The following RUBCNL variants were observed in gnomAD, a reference collection of about 807,000 sequenced individuals.
The protein encoded by RUBCNL is rubicon like autophagy enhancer, also known as protein associated with UVRAG as autophagy enhancer.
RUBCNL carries 62 observed loss-of-function variants against 69.5 expected under a neutral mutation model. The ratio of observed to expected loss-of-function variants is 0.89; its 90% CI spans 0.73 to 1.10. The LOEUF is 1.10. RUBCNL is among the 50% of genes least tolerant of loss of function. The pLI is 0.00. For missense variants in RUBCNL, 768 were observed against 798.1 expected (o/e 0.96, Z 0.45); for synonymous variants, 291 against 303.6 (o/e 0.96, Z 0.43).
chr13:46,356,566 A>G, intron 9 of RUBCNL, 70 bp from the exon 10 acceptor site: 1 of 1,329,968 alleles, frequency 7.5e-7, no homozygotes. Flanking sequence ...TAATTAGAAA[A>G]GAAATTGCCA....
intron 1 of RUBCNL, among the ~76,000 whole-genome samples, chr13:46,383,245 G>C (rs1432627410): frequency 6.6e-6 from 1 of 152,124 alleles, no homozygotes; most frequent in Non-Finnish European, 1.5e-5. Flanking sequence ...TTGCCTATCT[G>C]ACCTCCTTAT....
rs1004268506 is a variant in RUBCNL, at chr13:46,339,771, A to G, written c.*3614T>C. 3.9e-5 allele frequency among the ~76,000 whole-genome samples: 6 copies of G among 152,118 alleles called. No individual in the cohort carries two copies. In the East Asian group the frequency reaches 5.8e-4, roughly 15 times the overall value. ...CTACTCGGGAGGGTGAGACAGGAAA[A>G]TCACTTGAACCCAGGTGGCGGAGGT... On this transcript the variant is annotated 3_prime_UTR_variant, in exon 15 of 15. Transcript: ENST00000429979.
At chr13:46,344,061 C>A (rs2048190529) in intron 14 of RUBCNL, among the ~76,000 whole-genome samples, 1 of 152,190 alleles carries the variant, frequency 6.6e-6, no homozygotes, top group South Asian at 2.1e-4. Context: ...TGCCTGCACA[C>A]CCCTACAGGT....
chr13:46,347,314 C>T (rs746493103), intron 12 of RUBCNL, among the ~76,000 whole-genome samples: 6 of 151,758 alleles, frequency 4.0e-5, no homozygotes, highest in East Asian at 1.9e-4. Flanking sequence ...GGGTGAGGCA[C>T]GAGAATCGCT....
chr13:46,370,111 T>C (rs984280992), intron 3 of RUBCNL, among the ~76,000 whole-genome samples: 2 of 152,200 alleles, frequency 1.3e-5, no homozygotes, highest in African/African-American at 4.8e-5. Flanking sequence ...ACTCTGAGTA[T>C]AGAGGAAAGA....
chr13:46,361,432 G>T lies in RUBCNL; in HGVS notation c.1119+9C>A, dbSNP rs772081487. 13 of 1,609,746 alleles carry T rather than the reference G, an allele frequency of 8.1e-6. No homozygotes were observed. Among genetic ancestry groups the T allele is most frequent in the Middle Eastern group, 1.7e-4 (1 of 6,026 alleles). On this transcript the variant is annotated intron_variant, in intron 8 of 14. Coordinates refer to ENST00000429979, the MANE Select transcript of RUBCNL (RefSeq NM_025113.5). ...TTTCAATTCAAGGTCAATTTTTTTTGATACTTACTATCGAGCCAGCTGCAC... is the reference window on the plus strand; with the variant it reads ...TTTCAATTCAAGGTCAATTTTTTTTTATACTTACTATCGAGCCAGCTGCAC...
chr13:46,360,820 G>A (rs969835592), intron 8 of RUBCNL, among the ~76,000 whole-genome samples: 2 of 152,192 alleles, frequency 1.3e-5, no homozygotes, highest in Non-Finnish European at 2.9e-5. Flanking sequence ...AGGCAGCCTG[G>A]GCATGACTCC....
chr13:46,371,847 T>C (rs1215796821), intron 3 of RUBCNL, 94 bp downstream of exon 3: 1 of 1,301,242 alleles, frequency 7.7e-7, no homozygotes, highest in African/African-American at 1.5e-5. Flanking sequence ...GGCAATGCAT[T>C]GTCCCATGGG....
chr13:46,359,922 T>G (rs2048574666), intron 8 of RUBCNL, among the ~76,000 whole-genome samples: 1 of 152,194 alleles, frequency 6.6e-6, no homozygotes, highest in African/African-American at 2.4e-5. Flanking sequence ...AATGCATTTA[T>G]GAATAGCAGA....
At chr13:46,364,550 A>T (rs1474595400) in intron 5 of RUBCNL, among the ~76,000 whole-genome samples, 1 of 151,892 alleles carries the variant, frequency 6.6e-6, no homozygotes, top group African/African-American at 2.4e-5. Context: ...TGTGTTTTTC[A>T]CTGTCTTTTG....
At chr13:46,356,135 G>A (rs1488378631) in intron 10 of RUBCNL, among the ~76,000 whole-genome samples, 5 of 152,168 alleles carry the variant, frequency 3.3e-5, no homozygotes, top group Non-Finnish European at 7.3e-5. Flanking sequence ...AACCACAAAC[G>A]CAAATATGTC....
Position 46,368,023 on chromosome 13 carries a change from T to C in RUBCNL, c.826+19A>G, listed in dbSNP as rs1322643097. On this transcript the variant is annotated intron_variant, in intron 5 of 14. Coordinates refer to ENST00000429979, the MANE Select transcript of RUBCNL (RefSeq NM_025113.5). The stretch of plus-strand genomic sequence containing the variant: ...GTGAAACACATAACATACAGCTTTC[T>C]CATATTTGCCCAACTTGCCTTCATA... The C allele has an allele frequency of 6.2e-7, 1 of 1,608,204 alleles. No individual in the cohort carries two copies. Among genetic ancestry groups the C allele is most frequent in the Admixed American group, 1.7e-5 (1 of 60,010 alleles).
chr13:46,375,611 T>C (rs1361255065), intron 2 of RUBCNL, among the ~76,000 whole-genome samples: 1 of 152,206 alleles, frequency 6.6e-6, no homozygotes, highest in Non-Finnish European at 1.5e-5. Context: ...GAATTACTCA[T>C]GTAGGAATAG....
intron 1 of RUBCNL, among the ~76,000 whole-genome samples, chr13:46,384,601 T>C (rs1158563619): frequency 5.3e-5 from 8 of 152,226 alleles, no homozygotes; most frequent in Admixed American, 5.2e-4. Context: ...TTACATTTAC[T>C]TCTTTTAATA....
In RUBCNL at chr13:46,342,514, T is replaced by A. The variant is rs567232129; in HGVS notation, c.*871A>T. The A allele has an allele frequency of 6.6e-6, 1 of 152,382 alleles. No individual in the cohort carries two copies. The highest frequency in any genetic ancestry group is 1.5e-5 in the Non-Finnish European group (1 of 68,040). The allele number at this position is 152,382 out of a possible 1,614,324, so 9.4% of individuals were successfully genotyped here. The stretch of plus-strand genomic sequence containing the variant: ...AAAGAAATTCATAAAGGTTTTGTGA[T>A]TCATTTAACCTTATTAGTCAATGTC... On this transcript the variant is annotated 3_prime_UTR_variant, in exon 15 of 15. Transcript: ENST00000429979.
intron 14 of RUBCNL, among the ~76,000 whole-genome samples, 157 bp from the exon 15 acceptor site, chr13:46,343,654 A>G (rs1275499826): frequency 3.9e-5 from 6 of 152,172 alleles, no homozygotes; most frequent in African/African-American, 1.4e-4. Flanking sequence ...ACGTTTCAGC[A>G]GGTCACATTT....
At chr13:46,354,067 C>T (rs186217606) in intron 10 of RUBCNL, among the ~76,000 whole-genome samples, 1 of 152,054 alleles carries the variant, frequency 6.6e-6, no homozygotes, top group Non-Finnish European at 1.5e-5. Context: ...ACAAAAAGGA[C>T]TAGGAAGTAG....
chr13:46,356,390 T>C (rs2048484696), intron 10 of RUBCNL, 42 bp downstream of exon 10: 2 of 1,599,298 alleles, frequency 1.3e-6, no homozygotes, highest in Non-Finnish European at 1.7e-6. Context: ...TTCTGGACCT[T>C]GTCATCACAT....
At chr13:46,354,534 C>T (rs928235990) in intron 10 of RUBCNL, among the ~76,000 whole-genome samples, 3 of 152,222 alleles carry the variant, frequency 2.0e-5, no homozygotes, top group Non-Finnish European at 2.9e-5. Context: ...CCGCCTACAT[C>T]TGCAGCATGT....
Sources: allele counts gnomAD v4.1 joint callset (sites outside exome capture counted in the v4.1 genomes callset), GRCh38; gene constraint gnomAD v4.1.1; transcripts MANE v1.5; gene names NCBI Gene and HGNC (gene_info 2026-07-23, HGNC 2026-07-21).